The following GRID1 variants were observed in gnomAD, a reference collection of about 807,000 sequenced individuals.
The protein encoded by GRID1 is glutamate receptor ionotropic, delta-1.
GRID1 carries 28 observed loss-of-function variants against 98.0 expected under a neutral mutation model. That is an observed-to-expected ratio of 0.29 (90% CI 0.21 to 0.39). The LOEUF (loss-of-function observed/expected upper bound fraction) is 0.39, where lower values mean the gene tolerates loss of function less well. Ranked by LOEUF, GRID1 falls within the 10% of genes least tolerant of loss-of-function variation. GRID1 has a pLI of 1.00. For synonymous variants in GRID1, 553 were observed against 538.5 expected (o/e 1.03, Z -0.37); for missense variants, 1,111 against 1,340.5 (o/e 0.83, Z 2.67).
intron 12 of GRID1, among the ~76,000 whole-genome samples, chr10:85,695,681 G>A (rs994308511): frequency 6.6e-6 from 1 of 152,068 alleles, no homozygotes; most frequent in African/African-American, 2.4e-5. Flanking sequence ...TCCTGTCAAC[G>A]CTTTGCCCAG....
chr10:86,117,844 C>T (rs1346807399), intron 4 of GRID1, among the ~76,000 whole-genome samples: 3 of 152,212 alleles, frequency 2.0e-5, no homozygotes, highest in Non-Finnish European at 4.4e-5. Context: ...GACACATTTA[C>T]ACTGTTGGTG....
At chr10:85,618,367 A>G (rs1169650218) in intron 14 of GRID1, among the ~76,000 whole-genome samples, 1 of 152,172 alleles carries the variant, frequency 6.6e-6, no homozygotes, top group African/African-American at 2.4e-5. Flanking sequence ...GGTCTGTGGA[A>G]TCATCCTGAG....
intron 12 of GRID1, among the ~76,000 whole-genome samples, chr10:85,661,601 A>T (rs541604900): frequency 6.6e-6 from 1 of 152,270 alleles, no homozygotes; most frequent in Admixed American, 6.5e-5. Context: ...AGAAGCAGGG[A>T]CCCAGGGAGC....
intron 2 of GRID1, among the ~76,000 whole-genome samples, chr10:86,273,376 T>C (rs1589433821): frequency 7.9e-6 from 1 of 127,164 alleles, no homozygotes; most frequent in African/African-American, 2.6e-5. Context: ...TAAACATACG[T>C]CTGCATGTGT....
chr10:85,780,614 C>T (rs1427841472), intron 8 of GRID1, among the ~76,000 whole-genome samples: 1 of 152,212 alleles, frequency 6.6e-6, no homozygotes, highest in Non-Finnish European at 1.5e-5. Flanking sequence ...GCCTGGCACA[C>T]CATGGGCCTC....
intron 4 of GRID1, among the ~76,000 whole-genome samples, chr10:85,989,433 T>C (rs1040054417): frequency 2.6e-5 from 4 of 152,126 alleles, no homozygotes; most frequent in African/African-American, 7.2e-5. Context: ...TTGAACCCAA[T>C]AGAGGTACCA....
chr10:85,745,399 A>C, intron 8 of GRID1, among the ~76,000 whole-genome samples: 1 of 92,300 alleles, frequency 1.1e-5, no homozygotes, highest in Non-Finnish European at 2.2e-5. Flanking sequence ...GCCATAAAAA[A>C]TGATGAGTTC....
At chr10:86,105,539 T>C (rs1185678862) in intron 4 of GRID1, among the ~76,000 whole-genome samples, 4 of 152,164 alleles carry the variant, frequency 2.6e-5, no homozygotes, top group Non-Finnish European at 2.9e-5. Flanking sequence ...ACATCTAGAT[T>C]GGGTGGGGAA....
rs542243696 is a variant in GRID1, at chr10:85,645,166, A to C, written c.2193+2036T>G. ...AAAGTAGCTATCTTTTTTTTTTCTA[A>C]GCAGTGCTTTTTTTTTTAGCATTAT... On this transcript the variant is annotated intron_variant, in intron 13 of 15. Coordinates refer to ENST00000327946, the MANE Select transcript of GRID1 (RefSeq NM_017551.3). Among the ~76,000 whole-genome samples, 425 of 152,040 alleles carry C rather than the reference A, an allele frequency of 2.8e-3. 3 individuals are homozygous for C. Among genetic ancestry groups the C allele is most frequent in the Non-Finnish European group, 4.8e-3 (329 of 67,978 alleles).
At chr10:85,786,696 A>G (rs981824288) in intron 8 of GRID1, among the ~76,000 whole-genome samples, 3 of 152,164 alleles carry the variant, frequency 2.0e-5, no homozygotes, top group Non-Finnish European at 4.4e-5. Flanking sequence ...AATTATTGTT[A>G]TAGATTACAG....
Position 86,156,083 on chromosome 10 carries a change from G to A in GRID1, c.521-17059C>T, listed in dbSNP as rs559104263. Among the ~76,000 whole-genome samples, 8 of 152,282 alleles carry A rather than the reference G, an allele frequency of 5.3e-5. No individual in the cohort carries two copies. The East Asian group carries it at 5.8e-4, about 11-fold the overall frequency. On this transcript the variant is annotated intron_variant, in intron 3 of 15. Coordinates refer to ENST00000327946, the MANE Select transcript of GRID1 (RefSeq NM_017551.3). Reference sequence around the variant, plus strand: ...ACAGCTGCAACAAGCTGCAAAATTCGGAACTCCATCCACATGTAAATGGTA... The same window carrying A: ...ACAGCTGCAACAAGCTGCAAAATTCAGAACTCCATCCACATGTAAATGGTA...
At chr10:85,727,401 A>G (rs1017731737) in intron 10 of GRID1, among the ~76,000 whole-genome samples, 11 of 152,216 alleles carry the variant, frequency 7.2e-5, no homozygotes, top group African/African-American at 2.7e-4. Context: ...TACAATTTAA[A>G]TAAGTATGAG....
chr10:85,800,763 G>C (rs557226701), intron 8 of GRID1, among the ~76,000 whole-genome samples: 4 of 152,020 alleles, frequency 2.6e-5, no homozygotes, highest in Non-Finnish European at 4.4e-5. Context: ...CAGCACGAGT[G>C]CTTTGCAGTT....
intron 4 of GRID1, among the ~76,000 whole-genome samples, chr10:85,973,891 A>G (rs1426182920): frequency 6.6e-6 from 1 of 152,232 alleles, no homozygotes; most frequent in Admixed American, 6.5e-5. Context: ...GCCCAGCTAC[A>G]AACTGGCAAC....
At chr10:86,098,293 T>C (rs1844249739) in intron 4 of GRID1, among the ~76,000 whole-genome samples, 1 of 152,254 alleles carries the variant, frequency 6.6e-6, no homozygotes, top group East Asian at 1.9e-4. Context: ...CAAAGATCCC[T>C]ACAGAATCTT....
chr10:86,258,990 G>C (rs1411448018), intron 2 of GRID1, among the ~76,000 whole-genome samples: 1 of 152,236 alleles, frequency 6.6e-6, no homozygotes, highest in Admixed American at 6.5e-5. Context: ...CTTAGTTTAT[G>C]CACAGAAATT....
chr10:85,899,132 C>A (rs573503387), intron 5 of GRID1, among the ~76,000 whole-genome samples: 18 of 152,340 alleles, frequency 1.2e-4, no homozygotes, highest in Non-Finnish European at 1.9e-4. Flanking sequence ...AAGCATAATT[C>A]TGTAACACAG....
intron 8 of GRID1, among the ~76,000 whole-genome samples, chr10:85,802,885 A>ACACACC (rs1554832284): frequency 1.4e-5 from 2 of 146,006 alleles, no homozygotes; most frequent in Non-Finnish European, 3.0e-5. Flanking sequence ...ACACACACAC[A>ACACACC]CCAAGGAACA....
intron 5 of GRID1, among the ~76,000 whole-genome samples, chr10:85,904,507 G>A (rs895445288): frequency 2.6e-5 from 4 of 152,114 alleles, no homozygotes; most frequent in Non-Finnish European, 5.9e-5. Context: ...CACAGAGAGA[G>A]AAAAATGTGG....
Sources: allele counts gnomAD v4.1 joint callset (sites outside exome capture counted in the v4.1 genomes callset), GRCh38; gene constraint gnomAD v4.1.1; transcripts MANE v1.5; gene names NCBI Gene and HGNC (gene_info 2026-07-23, HGNC 2026-07-21).